The following SPECC1 variants were observed in gnomAD, a reference collection of about 807,000 sequenced individuals.
SPECC1 encodes cytospin-B.
A neutral mutation model predicts 104.1 loss-of-function variants in SPECC1; 62 were observed. That is an observed-to-expected ratio of 0.60 (90% CI 0.49 to 0.74). The LOEUF (loss-of-function observed/expected upper bound fraction) is 0.74, where lower values mean the gene tolerates loss of function less well. Ranked by LOEUF, SPECC1 falls within the 30% of genes least tolerant of loss-of-function variation. SPECC1 has a pLI of 0.00. For missense variants in SPECC1, 1,306 were observed against 1,310.5 expected, an observed-to-expected ratio of 1.00 and a Z score of 0.05; for synonymous variants, 513 against 501.6, an observed-to-expected ratio of 1.02 and a Z score of -0.30.
rs569383083 is a variant in SPECC1 at position 20,196,443 on chromosome 17, A to T, written c.284-7890A>T. The stretch of plus-strand genomic sequence containing the variant: ...CATGTCCCCAGGCCTTACCTTACTT[A>T]AGCAGGCAAGTTATACAGTAAGAGT... On this transcript the variant is annotated intron_variant, in intron 3 of 14. Coordinates refer to ENST00000395527, the MANE Select transcript of SPECC1 (RefSeq NM_001243439.2). Among the ~76,000 whole-genome samples, 3 of 145,414 alleles carry T rather than the reference A, an allele frequency of 2.1e-5. No individual in the cohort carries two copies. In the South Asian group the frequency reaches 6.6e-4, roughly 32 times the overall value.
intron 1 of SPECC1, among the ~76,000 whole-genome samples, chr17:20,083,462 G>A (rs1412186412): frequency 6.6e-6 from 1 of 152,174 alleles, no homozygotes; most frequent in Non-Finnish European, 1.5e-5. Context: ...CTTAAAGATG[G>A]GTAAGATTTG....
rs1597944711 is a variant in SPECC1 at position 20,196,791 on chromosome 17, T to A, written c.284-7542T>A. Among the ~76,000 whole-genome samples the A allele has an allele frequency of 2.0e-5, 3 of 152,312 alleles. No individual in the cohort carries two copies. The East Asian group carries it at 5.8e-4, about 29-fold the overall frequency. ...GCTTTAAGGCAGGTAAATTGAACAA[T>A]TTTTAAAAGTTAAACAGTTTATGAC... On this transcript the variant is annotated intron_variant, in intron 3 of 14. Transcript: ENST00000395527.
intron 10 of SPECC1, 116 bp from the exon 11 acceptor site, chr17:20,257,335 T>C (rs2039868710): frequency 8.2e-7 from 1 of 1,213,902 alleles, no homozygotes; most frequent in Non-Finnish European, 1.1e-6. Flanking sequence ...TCAGAAACTA[T>C]ATATATGTTT....
intron 13 of SPECC1, among the ~76,000 whole-genome samples, chr17:20,298,518 A>T (rs12601273): frequency 1.3e-5 from 2 of 151,878 alleles, no homozygotes; most frequent in African/African-American, 2.4e-5. Context: ...GAGGGGGCAG[A>T]CCCCCATAGC....
intron 12 of SPECC1, among the ~76,000 whole-genome samples, chr17:20,293,419 A>G (rs774924978): frequency 6.6e-6 from 1 of 152,124 alleles, no homozygotes. Flanking sequence ...TTTCAGTTAC[A>G]AATTGATTCT....
At chr17:20,011,244 G>C (rs1039231929) in intron 1 of SPECC1, among the ~76,000 whole-genome samples, 2 of 152,058 alleles carry the variant, frequency 1.3e-5, no homozygotes, top group African/African-American at 4.8e-5. Flanking sequence ...AGACTGCCTG[G>C]GCTGCTGCTG....
intron 3 of SPECC1, among the ~76,000 whole-genome samples, chr17:20,127,943 T>A (rs944337782): frequency 1.8e-4 from 27 of 152,138 alleles, no homozygotes; most frequent in Middle Eastern, 6.3e-3. Flanking sequence ...CAGTTACCCT[T>A]TTAAATGATG....
intron 7 of SPECC1, chr17:20,237,625 G>A (rs2151504553): frequency 5.1e-6 from 1 of 197,474 alleles, no homozygotes; most frequent in African/African-American, 2.3e-5. Context: ...TAAGGCCCAA[G>A]TTCTACTTTT....
chr17:20,034,349 G>A (rs1231240463), intron 1 of SPECC1, among the ~76,000 whole-genome samples: 7 of 151,828 alleles, frequency 4.6e-5, no homozygotes, highest in African/African-American at 9.7e-5. Context: ...CACCTGCCCC[G>A]GCCTCCCAAA....
intron 4 of SPECC1, among the ~76,000 whole-genome samples, chr17:20,226,708 G>A (rs1192133616): frequency 1.3e-5 from 2 of 152,130 alleles, no homozygotes. Flanking sequence ...CAGATGAAGC[G>A]ATTGTGCCGT....
intron 3 of SPECC1, among the ~76,000 whole-genome samples, chr17:20,184,181 CAAAAAAAA>C (rs759475722): frequency 1.1e-4 from 5 of 44,228 alleles, no homozygotes; most frequent in Admixed American, 4.6e-4. Flanking sequence ...ACTCCTGTCT[CAAAAAAAA>C]AAAAAAAAAA....
intron 3 of SPECC1, among the ~76,000 whole-genome samples, chr17:20,199,554 C>G (rs1335720429): frequency 4.0e-5 from 6 of 151,590 alleles, no homozygotes; most frequent in Non-Finnish European, 8.8e-5. Context: ...GTGCATGCCC[C>G]CATTCCCAGG....
chr17:20,303,426 G>C (rs981446566), intron 13 of SPECC1, among the ~76,000 whole-genome samples: 1 of 152,138 alleles, frequency 6.6e-6, no homozygotes, highest in African/African-American at 2.4e-5. Context: ...CAGATCAACA[G>C]CTTTCCAAGG....
chr17:20,116,188 C>T (rs925582933), intron 3 of SPECC1, among the ~76,000 whole-genome samples: 2 of 152,052 alleles, frequency 1.3e-5, no homozygotes, highest in Admixed American at 6.5e-5. Context: ...CCCAGTTTCA[C>T]GCCATTCTCC....
chr17:20,041,913 C>A (rs1268634250), intron 1 of SPECC1, among the ~76,000 whole-genome samples: 1 of 152,166 alleles, frequency 6.6e-6, no homozygotes, highest in Non-Finnish European at 1.5e-5. Flanking sequence ...GCGTGAGCCA[C>A]CGCGCCCAGC....
rs1460049714 is a variant in SPECC1, at chr17:20,244,823, A to C, written c.2352-1103A>C. ...AAAACAGCTGTGGCAATATGATACA[A>C]TGAAGAGAGCAGTGATTTAGCAATG... is the stretch of plus-strand genomic sequence containing the variant. On this transcript the variant is annotated intron_variant, in intron 7 of 14. Coordinates refer to ENST00000395527, the MANE Select transcript of SPECC1 (RefSeq NM_001243439.2). Among the ~76,000 whole-genome samples, 4 of 152,240 alleles carry C rather than the reference A, an allele frequency of 2.6e-5. No homozygotes were observed. The East Asian group carries it at 7.7e-4, about 29-fold the overall frequency.
intron 3 of SPECC1, among the ~76,000 whole-genome samples, chr17:20,139,134 C>A (rs575742120): frequency 6.6e-6 from 1 of 152,244 alleles, no homozygotes; most frequent in Non-Finnish European, 1.5e-5. Flanking sequence ...CCTTTCCAAC[C>A]CTGAAGGGGC....
intron 3 of SPECC1, chr17:20,155,921 C>T: frequency 1.7e-6 from 2 of 1,205,058 alleles, no homozygotes; most frequent in Non-Finnish European, 2.1e-6. Context: ...CCGCGCCTGG[C>T]GGGCGGTGTG....
chr17:20,072,964 G>A (rs551958826), intron 1 of SPECC1, among the ~76,000 whole-genome samples: 8 of 152,200 alleles, frequency 5.3e-5, no homozygotes, highest in African/African-American at 1.9e-4. Context: ...TGTCACTGGG[G>A]CTTACTCTAG....
Sources: allele counts gnomAD v4.1 joint callset (sites outside exome capture counted in the v4.1 genomes callset), GRCh38; gene constraint gnomAD v4.1.1; transcripts MANE v1.5; gene names NCBI Gene and HGNC (gene_info 2026-07-23, HGNC 2026-07-21).